The following BCAS3 variants were observed in gnomAD, a reference collection of about 807,000 sequenced individuals.
The protein encoded by BCAS3 is BCAS4/BCAS3 fusion.
In BCAS3, 53 loss-of-function variants were observed where a neutral mutation model predicts 116.1. The ratio of observed to expected loss-of-function variants is 0.46; its 90% CI spans 0.37 to 0.57. The LOEUF (loss-of-function observed/expected upper bound fraction) is 0.57. BCAS3 is among the 20% of genes least tolerant of loss of function. The pLI is 0.00. For missense variants in BCAS3, 917 were observed against 1,165.4 expected, an observed-to-expected ratio of 0.79 and a Z score of 3.10; for synonymous variants, 391 against 408.2, an observed-to-expected ratio of 0.96 and a Z score of 0.51.
At chr17:60,921,330 T>G (rs2059072001) in intron 12 of BCAS3, among the ~76,000 whole-genome samples, 1 of 152,154 alleles carries the variant, frequency 6.6e-6, no homozygotes, top group Non-Finnish European at 1.5e-5. Context: ...TACTCCATAT[T>G]CTCACTTATA....
Position 61,026,944 on chromosome 17 carries a change from A to G in BCAS3, c.1638-7722A>G. On this transcript the variant is annotated intron_variant, in intron 16 of 23. Transcript: ENST00000407086. This position sits in a 1 kb window ranked among gnomAD's most constrained non-coding sequence, Gnocchi z 5.0. ...CAGTTCAGTCCCGCATGCCTCATTC[A>G]TTTGCTGTACTCTCAAAAAGTAATT... 6.3e-7 allele frequency: 1 copy of G among 1,578,988 alleles called. No homozygotes were observed. Among genetic ancestry groups the G allele is most frequent in the Non-Finnish European group, 8.6e-7 (1 of 1,157,970 alleles).
intron 7 of BCAS3, among the ~76,000 whole-genome samples, chr17:60,843,765 A>G (rs2052212402): frequency 6.6e-6 from 1 of 152,132 alleles, no homozygotes; most frequent in Non-Finnish European, 1.5e-5. Context: ...ATATCCTTTT[A>G]TCATCTGCAC....
chr17:61,100,842 T>A (rs535726253), intron 22 of BCAS3, among the ~76,000 whole-genome samples: 1 of 151,236 alleles, frequency 6.6e-6, no homozygotes, highest in Non-Finnish European at 1.5e-5. Context: ...TAAATTAAAC[T>A]CTGTTTTTAA....
At chr17:61,197,545 C>A (rs1396857791) in intron 22 of BCAS3, among the ~76,000 whole-genome samples, 7 of 152,196 alleles carry the variant, frequency 4.6e-5, no homozygotes, top group Admixed American at 1.3e-4. Context: ...TTTAGCCTTA[C>A]TCGTGGAATG....
At chr17:60,699,363 C>T (rs934171017) in intron 4 of BCAS3, among the ~76,000 whole-genome samples, 3 of 152,070 alleles carry the variant, frequency 2.0e-5, no homozygotes, top group Non-Finnish European at 2.9e-5. Flanking sequence ...TACAAGCATG[C>T]ACCATCACGC....
chr17:61,255,037 G>A (rs914988786), intron 22 of BCAS3, among the ~76,000 whole-genome samples: 4 of 152,120 alleles, frequency 2.6e-5, no homozygotes, highest in Non-Finnish European at 5.9e-5. Context: ...TTTCCTCTTT[G>A]GGACTTTGGT....
chr17:60,919,179 A>G (rs73320669), intron 12 of BCAS3, among the ~76,000 whole-genome samples: 2,268 of 152,018 alleles, frequency 0.015, 65 homozygotes, highest in African/African-American at 0.052. Context: ...TTATTTTTCA[A>G]TTCTTTTTCA....
intron 3 of BCAS3, among the ~76,000 whole-genome samples, chr17:60,689,237 G>A (rs149209817): frequency 6.6e-6 from 1 of 152,248 alleles, no homozygotes; most frequent in African/African-American, 2.4e-5. Flanking sequence ...GCGGTGGCAC[G>A]ATCTCTGTTC....
At chr17:60,739,072 A>G (rs1246879689) in intron 5 of BCAS3, among the ~76,000 whole-genome samples, 2 of 152,102 alleles carry the variant, frequency 1.3e-5, no homozygotes, top group East Asian at 1.9e-4. Context: ...GGAGTTTGCA[A>G]TACATTTATA....
At chr17:61,159,855 G>A (rs2041302) in intron 22 of BCAS3, among the ~76,000 whole-genome samples, 101,884 of 152,108 alleles carry the variant, frequency 0.67, 37,707 homozygotes, top group South Asian at 0.89. Flanking sequence ...TCAAAATCCA[G>A]TCCTAGAACA....
At chr17:61,245,979 C>T (rs1406082699) in intron 22 of BCAS3, among the ~76,000 whole-genome samples, 1 of 152,140 alleles carries the variant, frequency 6.6e-6, no homozygotes, top group Non-Finnish European at 1.5e-5. Context: ...AAAACTGAAG[C>T]TGTGAGAGCT....
intron 5 of BCAS3, among the ~76,000 whole-genome samples, chr17:60,744,681 A>G (rs555943191): frequency 1.3e-5 from 2 of 152,226 alleles, no homozygotes; most frequent in Non-Finnish European, 2.9e-5. Flanking sequence ...ATGTGACACA[A>G]TGTTTCCTCT....
chr17:61,165,223 A>G (rs745755083), intron 22 of BCAS3, among the ~76,000 whole-genome samples: 2 of 152,196 alleles, frequency 1.3e-5, no homozygotes, highest in Non-Finnish European at 2.9e-5. Flanking sequence ...CTTTTCTCCC[A>G]AAAGGAGCCT....
intron 22 of BCAS3, among the ~76,000 whole-genome samples, chr17:61,231,237 G>A (rs2082662414): frequency 6.6e-6 from 1 of 152,090 alleles, no homozygotes; most frequent in African/African-American, 2.4e-5. Flanking sequence ...GTCTTGTTTT[G>A]AGAAGTGTCT....
rs555735115 is a variant in BCAS3 at position 61,307,153 on chromosome 17, G to A, written c.2426-61174G>A. On this transcript the variant is annotated intron_variant, in intron 22 of 23. Transcript: ENST00000407086. The surrounding 1 kb of genome is among the most constrained non-coding windows in gnomAD (Gnocchi z 4.7). The stretch of plus-strand genomic sequence containing the variant: ...GTAGAATGAGAAAAGGATGATTGAA[G>A]TGAAGAGCCTAGCCTAGTGCCGGCC... Among the ~76,000 whole-genome samples, 1 of 152,228 alleles carries A rather than the reference G, an allele frequency of 6.6e-6. No individual in the cohort carries two copies. The highest frequency in any genetic ancestry group is 1.5e-5 in the Non-Finnish European group (1 of 68,042).
At chr17:60,706,875 T>C (rs550876601) in intron 4 of BCAS3, among the ~76,000 whole-genome samples, 3 of 149,092 alleles carry the variant, frequency 2.0e-5, no homozygotes, top group South Asian at 2.1e-4. Context: ...AGTGCAGTGG[T>C]ATGATCACAC....
At chr17:61,120,478 C>T (rs1443494480) in intron 22 of BCAS3, among the ~76,000 whole-genome samples, 1 of 152,062 alleles carries the variant, frequency 6.6e-6, no homozygotes, top group East Asian at 1.9e-4. Context: ...TGTGCATATA[C>T]ACATTCATGC....
intron 11 of BCAS3, among the ~76,000 whole-genome samples, 192 bp from the exon 12 acceptor site, chr17:60,910,340 A>G (rs2058427236): frequency 6.6e-6 from 1 of 152,220 alleles, no homozygotes; most frequent in African/African-American, 2.4e-5. Context: ...CCATTCCCTC[A>G]AACTAATACT....
chr17:60,770,840 T>TG (rs2044615667), intron 6 of BCAS3, among the ~76,000 whole-genome samples: 1 of 68,812 alleles, frequency 1.5e-5, no homozygotes, highest in Non-Finnish European at 2.4e-5. Flanking sequence ...ATTTGTTTTT[T>TG]TTTTTTTTTT....
Sources: gnomAD v4.1 joint callset for allele counts (sites outside exome capture counted in the v4.1 genomes callset) on GRCh38, gnomAD v4.1.1 for gene constraint, Gnocchi (gnomAD v3.1) non-coding constraint, MANE v1.5 for transcripts, NCBI Gene and HGNC (gene_info 2026-07-23, HGNC 2026-07-21) for gene names.